Variants in GLDN observed in about 807,000 individuals in gnomAD.
GLDN encodes the protein collomin.
A neutral mutation model predicts 56.5 loss-of-function variants in GLDN; 47 were observed. The observed-to-expected ratio is 0.83, with a 90% CI of 0.66 to 1.06. The LOEUF is 1.06. Ranked by LOEUF, GLDN falls within the 50% of genes least tolerant of loss-of-function variation. The pLI, the probability that GLDN is intolerant of heterozygous loss-of-function variation, is 0.00. For synonymous variants in GLDN, 332 were observed against 278.8 expected (o/e 1.19, Z -1.90); for missense variants, 782 against 714.3 (o/e 1.09, Z -1.08).
Position 51,377,219 on chromosome 15 carries a change from C to G in GLDN, c.364-230C>G, listed in dbSNP as rs2037651238. The G allele has an allele frequency of 1.3e-5, 7 of 553,990 alleles. No individual in the cohort carries two copies. The South Asian group carries it at 1.6e-4, about 13-fold the overall frequency. 34.3% of individuals were successfully genotyped at this position (553,990 alleles called of 1,614,324 possible). On this transcript the variant is annotated intron_variant, in intron 1 of 9. Transcript: ENST00000335449. ...ACCAAGACACTACCCCGTGACTGGA[C>G]AAATGAGGTTTGCAGCTCCATTGTA...
chr15:51,385,943 G>A (rs1247851686), intron 4 of GLDN, among the ~76,000 whole-genome samples: 1 of 152,174 alleles, frequency 6.6e-6, no homozygotes, highest in African/African-American at 2.4e-5. Context: ...GATGTGAAGT[G>A]GAACAGTGCT....
At position 51,401,743 on chromosome 15, in the gene GLDN, G is replaced by C; in HGVS notation, c.1178G>C (p.Arg393Thr). Residue 393 changes from arginine to threonine, a missense_variant and splice_region_variant, in exon 9 of 10, where the codon AGA becomes ACA. Physicochemically the swap from Arg to Thr is moderately conservative, Grantham distance 71. Transcript: ENST00000335449. ...YHKGGSNTLV[R>T]FEFGQETSQT... ...AAAGGGGGTTCTAATACCCTAGTGA[G>C]GTAAGTCGCACCACAGCACCTTCTC... The C allele has an allele frequency of 6.2e-7, 1 of 1,612,786 alleles. No homozygotes were observed. The highest frequency in any genetic ancestry group is 8.5e-7 in the Non-Finnish European group (1 of 1,179,238).
chr15:51,403,821 C>T (rs1462891381), intron 9 of GLDN, among the ~76,000 whole-genome samples: 1 of 152,180 alleles, frequency 6.6e-6, no homozygotes, highest in African/African-American at 2.4e-5. Flanking sequence ...CTGCCTCTTA[C>T]TTGTCTTCAT....
chr15:51,395,388 T>C (rs2141122562), intron 5 of GLDN, among the ~76,000 whole-genome samples: 1 of 152,282 alleles, frequency 6.6e-6, no homozygotes, highest in Non-Finnish European at 1.5e-5. Context: ...CTGATCCTAA[T>C]GGCCTTTTTT....
At chr15:51,346,169 A>ATT (rs145373356) in intron 1 of GLDN, among the ~76,000 whole-genome samples, 7 of 151,766 alleles carry the variant, frequency 4.6e-5, no homozygotes, top group African/African-American at 1.7e-4. Flanking sequence ...CTATCAATAG[A>ATT]TTTTTTTTTC....
At chr15:51,401,138 C>G (rs2038240823) in intron 8 of GLDN, among the ~76,000 whole-genome samples, 1 of 152,236 alleles carries the variant, frequency 6.6e-6, no homozygotes, top group Admixed American at 6.5e-5. Flanking sequence ...AATTGGGAAC[C>G]TGGTAATAAC....
At chr15:51,349,591 G>T (rs545193714) in intron 1 of GLDN, among the ~76,000 whole-genome samples, 3 of 152,212 alleles carry the variant, frequency 2.0e-5, no homozygotes, top group Non-Finnish European at 4.4e-5. Context: ...ACTGTCTATT[G>T]CTGCTTTGGC....
downstream of GLDN, among the ~76,000 whole-genome samples, chr15:51,411,996 A>G (rs763414541): frequency 9.9e-5 from 15 of 152,186 alleles, no homozygotes; most frequent in Non-Finnish European, 1.8e-4. Flanking sequence ...ACTTTCTCCA[A>G]AGAAGCTAGG....
chr15:51,363,717 C>A (rs1422149082), intron 1 of GLDN, among the ~76,000 whole-genome samples: 1 of 152,192 alleles, frequency 6.6e-6, no homozygotes. Context: ...GAGAAGGAGG[C>A]AGCATACCAG....
chr15:51,408,800 C>A (rs187290410), downstream of GLDN, among the ~76,000 whole-genome samples: 2 of 151,992 alleles, frequency 1.3e-5, no homozygotes, highest in Admixed American at 1.3e-4. Context: ...TCTGTCCTTG[C>A]GATAGTTTGC....
At position 51,406,222 on chromosome 15, in the gene GLDN, C is replaced by A. The variant is rs184037777; in HGVS notation, c.*1468C>A. 1 of 152,300 alleles carries A rather than the reference C, an allele frequency of 6.6e-6. No homozygotes were observed. The highest frequency in any genetic ancestry group is 6.5e-5 in the Admixed American group (1 of 15,300). The allele number at this position is 152,300 out of a possible 1,614,324, so 9.4% of individuals were successfully genotyped here. On this transcript the variant is annotated 3_prime_UTR_variant, in exon 10 of 10. Coordinates refer to ENST00000335449, the MANE Select transcript of GLDN (RefSeq NM_181789.4). The stretch of plus-strand genomic sequence containing the variant: ...GTCCCCTTGGATGCCAGGAGAGAAT[C>A]CAGTTGAACTTGCTCCTAAATGCTC...
chr15:51,356,354 A>G (rs1566936672), intron 1 of GLDN, among the ~76,000 whole-genome samples: 1 of 152,162 alleles, frequency 6.6e-6, no homozygotes, highest in Admixed American at 6.5e-5. Flanking sequence ...TCCATTTAAC[A>G]TCAAGGATGG....
chr15:51,397,810 A>C (rs1238599815), intron 6 of GLDN, among the ~76,000 whole-genome samples: 3 of 150,318 alleles, frequency 2.0e-5, no homozygotes, highest in Non-Finnish European at 4.4e-5. Context: ...TAGGCCTCCC[A>C]CTCCCCTTCC....
chr15:51,365,904 C>T (rs568451735), intron 1 of GLDN, among the ~76,000 whole-genome samples: 2 of 152,278 alleles, frequency 1.3e-5, no homozygotes, highest in African/African-American at 4.8e-5. Flanking sequence ...TATCCTGTTA[C>T]ATTTGTATGT....
Position 51,394,830 on chromosome 15 carries a change from G to A in GLDN, c.542-5G>A, listed in dbSNP as rs1207928297. 1.2e-6 allele frequency: 2 copies of A among 1,613,084 alleles called. No individual in the cohort carries two copies. Among genetic ancestry groups the A allele is most frequent in the Non-Finnish European group, 1.7e-6 (2 of 1,179,572 alleles). ...GGCTAATATGTCTTTTGTTTTTTTGGTCAGGGATACCTGGAGCTGCAGGAA... is the reference window on the plus strand; with the variant it reads ...GGCTAATATGTCTTTTGTTTTTTTGATCAGGGATACCTGGAGCTGCAGGAA... On this transcript the variant is annotated splice_polypyrimidine_tract_variant and splice_region_variant and intron_variant, in intron 4 of 9. Transcript: ENST00000335449.
At chr15:51,383,413 A>G (rs766234080) in intron 2 of GLDN, 23 bp from the exon 3 acceptor site, 3 of 1,613,924 alleles carry the variant, frequency 1.9e-6, no homozygotes, top group African/African-American at 1.3e-5. Context: ...TGGTTTCTCA[A>G]CTAAATTTTT....
intron 5 of GLDN, among the ~76,000 whole-genome samples, 190 bp from the exon 6 acceptor site, chr15:51,397,280 T>TTCCCTTCTTCCCACCCTCTC (rs1360696033): frequency 6.6e-6 from 1 of 152,106 alleles, no homozygotes; most frequent in Non-Finnish European, 1.5e-5. Context: ...GACTACTCTC[T>TTCCCTTCTTCCCACCCTCTC]TCCCTTCTTC....
rs1326045726 is a variant in GLDN, at chr15:51,400,267, C to G, written c.893C>G (p.Pro298Arg). The G allele has an allele frequency of 1.9e-6, 3 of 1,614,026 alleles. No homozygotes were observed. In the African/African-American group the frequency reaches 4.0e-5, roughly 22 times the overall value. The change falls in exon 7 of 10, where the codon CCA becomes CGA. Residue 298 changes from proline (P) to arginine (R), a missense_variant. Coordinates refer to ENST00000335449, the MANE Select transcript of GLDN (RefSeq NM_181789.4). ...ADEKASEHHS[P>R]QAESMITSIG... ...GAGAAAGCCAGTGAACACCATTCCCCACAAGCAGGTATAGAAACAAAGCGT... is the reference window on the plus strand; with the variant it reads ...GAGAAAGCCAGTGAACACCATTCCCGACAAGCAGGTATAGAAACAAAGCGT...
At chr15:51,381,765 A>C (rs1595824451) in intron 2 of GLDN, among the ~76,000 whole-genome samples, 2 of 140,386 alleles carry the variant, frequency 1.4e-5, no homozygotes, top group Non-Finnish European at 1.5e-5. Context: ...AAGATCCCCT[A>C]GGGTTTTTTT....
Sources: gnomAD v4.1 joint callset for allele counts (sites outside exome capture counted in the v4.1 genomes callset) on GRCh38, gnomAD v4.1.1 for gene constraint, MANE v1.5 for transcripts, NCBI Gene and HGNC (gene_info 2026-07-23, HGNC 2026-07-21) for gene names.